Variants in CFAP58 observed in about 807,000 individuals in gnomAD.
The protein encoded by CFAP58 is cilia- and flagella-associated protein 58.
A neutral mutation model predicts 119.5 loss-of-function variants in CFAP58; 88 were observed. The ratio of observed to expected loss-of-function variants is 0.74; its 90% confidence interval spans 0.62 to 0.88. CFAP58 has a LOEUF of 0.88. CFAP58 is among the 40% of genes least tolerant of loss of function. The pLI, the probability that CFAP58 is intolerant of heterozygous loss-of-function variation, is 0.00. For synonymous variants in CFAP58, 365 were observed against 366.3 expected, an observed-to-expected ratio of 1.00 and a Z score of 0.04; for missense variants, 990 against 1,021.2, an observed-to-expected ratio of 0.97 and a Z score of 0.42.
intron 1 of CFAP58, among the ~76,000 whole-genome samples, chr10:104,355,045 C>T (rs1203542114): frequency 6.6e-6 from 1 of 152,204 alleles, no homozygotes; most frequent in Non-Finnish European, 1.5e-5. Flanking sequence ...ATCATACGAT[C>T]TCTTTCATAT....
At chr10:104,452,844 C>T (rs2013216853) in intron 17 of CFAP58, among the ~76,000 whole-genome samples, 1 of 152,176 alleles carries the variant, frequency 6.6e-6, no homozygotes, top group African/African-American at 2.4e-5. Flanking sequence ...CTAGTAGCCA[C>T]TCTGACCTAG....
intron 15 of CFAP58, among the ~76,000 whole-genome samples, chr10:104,426,118 G>T (rs2012740664): frequency 6.6e-6 from 1 of 152,164 alleles, no homozygotes; most frequent in Non-Finnish European, 1.5e-5. Flanking sequence ...TGTAGTCCCA[G>T]CTACTTGGGA....
chr10:104,373,095 A>G lies in CFAP58; in HGVS notation c.1090+2041A>G, dbSNP rs1281192642. Among the ~76,000 whole-genome samples the G allele has an allele frequency of 2.6e-5, 4 of 152,314 alleles. No homozygotes were observed. The East Asian group carries it at 7.7e-4, about 29-fold the overall frequency. ...AGCTTTTTTTCATACCAAAAAAATC[A>G]GAGTATATAATGGAAAAAATTCTCT... On this transcript the variant is annotated intron_variant, in intron 7 of 17. Transcript: ENST00000369704.
chr10:104,426,781 G>C (rs146194406), intron 15 of CFAP58, among the ~76,000 whole-genome samples: 1 of 152,116 alleles, frequency 6.6e-6, no homozygotes, highest in Non-Finnish European at 1.5e-5. Flanking sequence ...ATACTTGTTT[G>C]TATCCAACCT....
intron 7 of CFAP58, among the ~76,000 whole-genome samples, chr10:104,371,884 G>A (rs948193285): frequency 2.5e-4 from 38 of 152,162 alleles, no homozygotes; most frequent in Admixed American, 2.1e-3. Flanking sequence ...AGTACGTGAG[G>A]CAGGAACATC....
At position 104,431,758 on chromosome 10, in the gene CFAP58, CT is replaced by C. The variant is rs534548254; in HGVS notation, c.2257-15936del. 2.6e-3 allele frequency among the ~76,000 whole-genome samples: 391 copies of C among 152,164 alleles called. 1 individual carries two copies. The highest frequency in any genetic ancestry group is 3.8e-3 in the Non-Finnish European group (259 of 67,970). On this transcript the variant is annotated intron_variant, in intron 15 of 17. Coordinates refer to ENST00000369704, the MANE Select transcript of CFAP58 (RefSeq NM_001008723.2). ...TGTATTCCTTCAGTATATTTTTGTG[CT>C]TTTACTGCAAATAGATGCGTTTACA...
At chr10:104,356,707 T>A (rs2014547864) in intron 1 of CFAP58, among the ~76,000 whole-genome samples, 1 of 152,178 alleles carries the variant, frequency 6.6e-6, no homozygotes, top group African/African-American at 2.4e-5. Flanking sequence ...CTGGGAATAA[T>A]TCTCTTTCTG....
At chr10:104,438,341 G>GTTTTTTT (rs1325921091) in intron 15 of CFAP58, among the ~76,000 whole-genome samples, 8 of 101,304 alleles carry the variant, frequency 7.9e-5, no homozygotes, top group East Asian at 3.1e-4. Context: ...TTTGTTTTTT[G>GTTTTTTT]TTTTTTGTTT....
chr10:104,433,995 T>C (rs1327431946), intron 15 of CFAP58, among the ~76,000 whole-genome samples: 6 of 152,160 alleles, frequency 3.9e-5, no homozygotes, highest in Non-Finnish European at 8.8e-5. Flanking sequence ...TGCAAACTAT[T>C]GGAAGAAGCC....
In CFAP58 at chr10:104,365,952, G is replaced by A. The variant is rs563910083; in HGVS notation, c.736G>A (p.Val246Met). Reference sequence around the variant, plus strand: ...AGAAATAAAAGCCCTGCAGCAGTATGTGCAGAAGAGCAAGGAGGAGCTTCA... The same window carrying A: ...AGAAATAAAAGCCCTGCAGCAGTATATGCAGAAGAGCAAGGAGGAGCTTCA... ...QTEIKALQQY[V>M]QKSKEELQKL... is the part of the protein sequence containing the mutation. The change falls in exon 5 of 18, where the codon GTG becomes ATG. Residue 246 changes from valine (V) to methionine (M), a missense_variant. Val to Met is a conservative substitution (Grantham distance 21, BLOSUM62 1). Transcript: ENST00000369704. The A allele has an allele frequency of 2.4e-5, 38 of 1,612,066 alleles. 1 individual carries two copies. In the South Asian group the frequency reaches 4.1e-4, roughly 17 times the overall value.
At chr10:104,348,574 C>T in the CFAP58 span, among the ~76,000 whole-genome samples, 1 of 152,182 alleles carries the variant, frequency 6.6e-6, no homozygotes, top group African/African-American at 2.4e-5. Context: ...TCTCTTCTAT[C>T]CTTCCAAGGC....
chr10:104,398,445 AATGCCTAGTATC>A (rs1260643979), intron 11 of CFAP58, among the ~76,000 whole-genome samples: 1 of 152,226 alleles, frequency 6.6e-6, no homozygotes, highest in African/African-American at 2.4e-5. Context: ...TAGTTACGCA[AATGCCTAGTATC>A]ATGCCTGGGA....
intron 15 of CFAP58, among the ~76,000 whole-genome samples, chr10:104,434,672 A>C (rs879378828): frequency 1.3e-5 from 2 of 152,234 alleles, no homozygotes; most frequent in Admixed American, 1.3e-4. Flanking sequence ...GAAGCCTCCA[A>C]GCATTTGGGA....
At chr10:104,424,511 A>G (rs1185862304) in intron 15 of CFAP58, among the ~76,000 whole-genome samples, 1 of 152,214 alleles carries the variant, frequency 6.6e-6, no homozygotes, top group Non-Finnish European at 1.5e-5. Context: ...TAATATCTAT[A>G]GAAGTTTGTA....
Position 104,393,370 on chromosome 10 carries a change from C to T in CFAP58, c.1569C>T (p.Ile523=). The T allele has an allele frequency of 6.2e-7, 1 of 1,613,710 alleles. No homozygotes were observed. Among genetic ancestry groups the T allele is most frequent in the Non-Finnish European group, 8.5e-7 (1 of 1,179,660 alleles). Residue 523 remains isoleucine (I), a synonymous_variant, in exon 11 of 18, where the codon ATC becomes ATT. Coordinates refer to ENST00000369704, the MANE Select transcript of CFAP58 (RefSeq NM_001008723.2). Reference sequence around the variant, plus strand: ...TGAAGAGAAAGTTAAAGATTATGATCCATCAGGTAGATGAGCTGAAAGAAG... The same window carrying T: ...TGAAGAGAAAGTTAAAGATTATGATTCATCAGGTAGATGAGCTGAAAGAAG... ...TDMKRKLKIM[I]HQVDELKEDI...
chr10:104,369,083 T>C (rs1327202778), intron 6 of CFAP58, among the ~76,000 whole-genome samples: 1 of 152,220 alleles, frequency 6.6e-6, no homozygotes, highest in African/African-American at 2.4e-5. Context: ...TCAATTTAGA[T>C]AGTTTAGATA....
rs776832941 is a variant in CFAP58, at chr10:104,376,769, C to T, written c.1091-42C>T. ...TCGGCTTTTGTAGATTCTCTTAGGTCGACTCTACGTTTATTATTATTTTTT... is the reference window on the plus strand; with the variant it reads ...TCGGCTTTTGTAGATTCTCTTAGGTTGACTCTACGTTTATTATTATTTTTT... On this transcript the variant is annotated intron_variant, in intron 7 of 17. Transcript: ENST00000369704. 450 of 1,496,422 alleles carry T rather than the reference C, an allele frequency of 3.0e-4. 1 individual carries two copies. The highest frequency in any genetic ancestry group is 2.2e-4 in the Admixed American group (13 of 58,288). The allele number at this position is 1,496,422 out of a possible 1,614,324, so 92.7% of individuals were successfully genotyped here.
At chr10:104,434,757 G>A (rs147832607) in intron 15 of CFAP58, among the ~76,000 whole-genome samples, 2 of 152,320 alleles carry the variant, frequency 1.3e-5, no homozygotes, top group East Asian at 1.9e-4. Flanking sequence ...TGATTCTTGT[G>A]ATATCACTTG....
chr10:104,376,290 G>A (rs1404512514), intron 7 of CFAP58, among the ~76,000 whole-genome samples: 4 of 151,322 alleles, frequency 2.6e-5, no homozygotes, highest in African/African-American at 9.7e-5. Flanking sequence ...TAGGAATTTG[G>A]GCAAGAGGAA....
Sources: allele counts gnomAD v4.1 joint callset (sites outside exome capture counted in the v4.1 genomes callset), GRCh38; gene constraint gnomAD v4.1.1; transcripts MANE v1.5; gene names NCBI Gene and HGNC (gene_info 2026-07-23, HGNC 2026-07-21).